The following PRKAR2B variants were observed in gnomAD, a reference collection of about 807,000 sequenced individuals.
PRKAR2B encodes cAMP-dependent protein kinase type II-beta regulatory subunit.
A neutral mutation model predicts 49.9 loss-of-function variants in PRKAR2B; 14 were observed. That is an observed-to-expected ratio of 0.28 (90% CI 0.19 to 0.44). The LOEUF (loss-of-function observed/expected upper bound fraction) is 0.44, where lower values mean the gene tolerates loss of function less well. Ranked by LOEUF, PRKAR2B falls within the 20% of genes least tolerant of loss-of-function variation. PRKAR2B has a pLI of 1.00. For synonymous variants in PRKAR2B, 196 were observed against 197.7 expected, an observed-to-expected ratio of 0.99 and a Z score of 0.07; for missense variants, 393 against 537.9, an observed-to-expected ratio of 0.73 and a Z score of 2.67.
At chr7:107,145,821 C>T (rs956055028) in intron 5 of PRKAR2B, among the ~76,000 whole-genome samples, 3 of 147,780 alleles carry the variant, frequency 2.0e-5, no homozygotes, top group Non-Finnish European at 4.4e-5. Flanking sequence ...CTCACTGCAA[C>T]CTCCGTCTCC....
intron 1 of PRKAR2B, among the ~76,000 whole-genome samples, chr7:107,060,815 CTTGT>C (rs1023687354): frequency 2.6e-5 from 4 of 151,448 alleles, no homozygotes; most frequent in African/African-American, 4.9e-5. Context: ...TTTTTTTTGC[CTTGT>C]TTAAGGATTT....
intron 2 of PRKAR2B, among the ~76,000 whole-genome samples, chr7:107,118,139 A>G (rs1047067450): frequency 6.6e-6 from 1 of 152,202 alleles, no homozygotes; most frequent in Non-Finnish European, 1.5e-5. Context: ...TTGAGTGCCC[A>G]TCCAGAGATA....
chr7:107,058,771 A>G (rs1359216915), intron 1 of PRKAR2B, among the ~76,000 whole-genome samples: 3 of 152,260 alleles, frequency 2.0e-5, no homozygotes, highest in Non-Finnish European at 4.4e-5. Flanking sequence ...CACATTTTAC[A>G]TTAAAGTACA....
At chr7:107,093,833 G>A (rs1170128666) in intron 2 of PRKAR2B, among the ~76,000 whole-genome samples, 2 of 151,908 alleles carry the variant, frequency 1.3e-5, no homozygotes, top group Non-Finnish European at 2.9e-5. Context: ...CCTACAAAGG[G>A]CATGAACTCA....
chr7:107,083,657 G>A (rs1223899874), intron 2 of PRKAR2B, among the ~76,000 whole-genome samples: 2 of 152,188 alleles, frequency 1.3e-5, no homozygotes, highest in East Asian at 3.9e-4. Flanking sequence ...CTGTCACCCA[G>A]GCTGGAGTGC....
intron 3 of PRKAR2B, among the ~76,000 whole-genome samples, chr7:107,126,087 T>TAAAAAAAAA (rs34333619): frequency 2.6e-4 from 21 of 82,258 alleles, no homozygotes; most frequent in African/African-American, 9.9e-4. Flanking sequence ...GACTGTGTCT[T>TAAAAAAAAA]AAAAAAAAAA....
intron 1 of PRKAR2B, among the ~76,000 whole-genome samples, chr7:107,065,283 G>A (rs1190547187): frequency 6.6e-6 from 1 of 150,872 alleles, no homozygotes; most frequent in African/African-American, 2.4e-5. Flanking sequence ...TGTAGATAGG[G>A]TAGTTTGTTT....
intron 2 of PRKAR2B, among the ~76,000 whole-genome samples, chr7:107,091,168 T>G (rs557207019): frequency 1.3e-5 from 2 of 151,846 alleles, no homozygotes; most frequent in Non-Finnish European, 1.5e-5. Flanking sequence ...AGAGCACTGG[T>G]TTTTTTTGGT....
At chr7:107,112,174 TAAAAAAAAAAAAAA>T (rs749209141) in intron 2 of PRKAR2B, among the ~76,000 whole-genome samples, 3 of 44,762 alleles carry the variant, frequency 6.7e-5, no homozygotes, top group East Asian at 6.9e-4. Flanking sequence ...ACTGTGTCTC[TAAAAAAAAAAAAAA>T]AAAAAAAAAA....
At chr7:107,118,069 A>G (rs1269803576) in intron 2 of PRKAR2B, among the ~76,000 whole-genome samples, 3 of 152,222 alleles carry the variant, frequency 2.0e-5, no homozygotes, top group Non-Finnish European at 4.4e-5. Flanking sequence ...CGTAGGAGGC[A>G]TGGGGCAAAT....
chr7:107,134,473 T>G (rs1490644530), intron 4 of PRKAR2B, among the ~76,000 whole-genome samples: 1 of 152,210 alleles, frequency 6.6e-6, no homozygotes, highest in Non-Finnish European at 1.5e-5. Flanking sequence ...GATAACACAT[T>G]AATGTTTTGC....
chr7:107,054,104 C>T (rs1364655694), intron 1 of PRKAR2B, among the ~76,000 whole-genome samples: 1 of 152,142 alleles, frequency 6.6e-6, no homozygotes, highest in African/African-American at 2.4e-5. Flanking sequence ...AATCCCAGCA[C>T]TTTGGGAGGC....
At position 107,044,853 on chromosome 7, in the gene PRKAR2B, C is replaced by A; in HGVS notation, c.-55C>A. On this transcript the variant is annotated 5_prime_UTR_variant, in exon 1 of 11. Coordinates refer to ENST00000265717, the MANE Select transcript of PRKAR2B (RefSeq NM_002736.3). ...GCTCGGCAGCCGCGGGGCCCTAGGC[C>A]GTGCCGGGGAGGGGGCGAGGGCGGC... 3 of 1,486,366 alleles carry A rather than the reference C, an allele frequency of 2.0e-6. No individual in the cohort carries two copies. The highest frequency in any genetic ancestry group is 2.1e-5 in the Admixed American group (1 of 48,488). The allele number at this position is 1,486,366 out of a possible 1,614,324, so 92.1% of individuals were successfully genotyped here.
chr7:107,061,559 A>G (rs756180399), intron 1 of PRKAR2B, among the ~76,000 whole-genome samples: 1 of 152,218 alleles, frequency 6.6e-6, no homozygotes, highest in African/African-American at 2.4e-5. Context: ...AAGTTCAATA[A>G]TAAGAAGACC....
At chr7:107,124,072 A>G (rs550512104) in intron 3 of PRKAR2B, among the ~76,000 whole-genome samples, 2 of 152,190 alleles carry the variant, frequency 1.3e-5, no homozygotes, top group Non-Finnish European at 2.9e-5. Flanking sequence ...TTTCATTTGG[A>G]CATTTTGTAT....
intron 4 of PRKAR2B, among the ~76,000 whole-genome samples, chr7:107,138,615 A>T (rs190819701): frequency 1.2e-3 from 184 of 150,842 alleles, no homozygotes; most frequent in African/African-American, 4.3e-3. Context: ...TGGTGTGATC[A>T]TGGCTCACTG....
At chr7:107,135,091 T>C (rs777757592) in intron 4 of PRKAR2B, among the ~76,000 whole-genome samples, 8 of 152,002 alleles carry the variant, frequency 5.3e-5, no homozygotes, top group Non-Finnish European at 1.0e-4. Flanking sequence ...AAAGATCTAG[T>C]ATCCAAAATA....
At chr7:107,114,770 C>G (rs1795240811) in intron 2 of PRKAR2B, among the ~76,000 whole-genome samples, 1 of 151,840 alleles carries the variant, frequency 6.6e-6, no homozygotes. Flanking sequence ...TCAGCAATAC[C>G]CTTCCCAATA....
intron 5 of PRKAR2B, among the ~76,000 whole-genome samples, chr7:107,142,389 A>G (rs1481635411): frequency 2.0e-5 from 3 of 152,228 alleles, no homozygotes; most frequent in Non-Finnish European, 4.4e-5. Context: ...AATGATTTTT[A>G]TATCATTAAT....
Sources: gnomAD v4.1 joint callset for allele counts (sites outside exome capture counted in the v4.1 genomes callset) on GRCh38, gnomAD v4.1.1 for gene constraint, MANE v1.5 for transcripts, NCBI Gene and HGNC (gene_info 2026-07-23, HGNC 2026-07-21) for gene names.